The following HRH4 variants were observed in gnomAD, a reference collection of about 807,000 sequenced individuals.
The protein encoded by HRH4 is histamine H4 receptor.
HRH4 carries 12 observed loss-of-function variants against 10.4 expected under a neutral mutation model. The observed-to-expected ratio is 1.15, with a 90% CI of 0.74 to 1.87. The LOEUF is 1.87. Ranked by LOEUF, HRH4 falls within the 40% of genes most tolerant of loss-of-function variation. The pLI, the probability that HRH4 is intolerant of heterozygous loss-of-function variation, is 0.00. For synonymous variants in HRH4, 154 were observed against 166.6 expected (o/e 0.92, Z 0.58); for missense variants, 415 against 453.3 (o/e 0.92, Z 0.77).
rs534412438 is a variant in HRH4, at chr18:24,473,504, T to C, written c.358-3243T>C. 8.3e-4 allele frequency among the ~76,000 whole-genome samples: 126 copies of C among 152,348 alleles called. 1 individual carries two copies. The highest frequency in any genetic ancestry group is 2.9e-3 in the African/African-American group (122 of 41,584). On this transcript the variant is annotated intron_variant, in intron 2 of 2. Transcript: ENST00000256906. ...GCAACCCCTGGCATTCCTTGGCTTG[T>C]AGATGCGTCCCTCCAGTCTTTACAT... is the stretch of plus-strand genomic sequence containing the variant.
rs1337002785 is a variant in HRH4, at chr18:24,479,656, C to T, written c.*2094C>T. On this transcript the variant is annotated 3_prime_UTR_variant, in exon 3 of 3. Transcript: ENST00000256906. ...TTGCCTTTCTTGAAGTGTTCTCTGC[C>T]TGTCTTTGTCACAAAATTTCATTTT... is the stretch of plus-strand genomic sequence containing the variant. 1 of 152,194 alleles carries T rather than the reference C, an allele frequency of 6.6e-6. No homozygotes were observed. Among genetic ancestry groups the T allele is most frequent in the African/African-American group, 2.4e-5 (1 of 41,452 alleles). The allele number at this position is 152,194 out of a possible 1,614,324, so 9.4% of individuals were successfully genotyped here.
chr18:24,468,996 T>C (rs1471113519), intron 2 of HRH4, 45 bp downstream of exon 2: 3 of 1,454,058 alleles, frequency 2.1e-6, no homozygotes, highest in Non-Finnish European at 2.8e-6. Context: ...ATTATGTAAA[T>C]GTATATGATG....
chr18:24,470,519 T>TTTTTTG (rs1909908315), intron 2 of HRH4, among the ~76,000 whole-genome samples: 2 of 135,986 alleles, frequency 1.5e-5, no homozygotes, highest in African/African-American at 5.8e-5. Flanking sequence ...TTTTTTTTTT[T>TTTTTTG]TGGAGACAGG....
At chr18:24,461,667 C>A (rs1277242558) in intron 1 of HRH4, among the ~76,000 whole-genome samples, 2 of 151,856 alleles carry the variant, frequency 1.3e-5, no homozygotes, top group Admixed American at 6.6e-5. Flanking sequence ...TTGTCTATAA[C>A]TACATAAAGC....
chr18:24,465,159 G>A (rs1368319088), intron 1 of HRH4, among the ~76,000 whole-genome samples: 1 of 152,034 alleles, frequency 6.6e-6, no homozygotes, highest in African/African-American at 2.4e-5. Flanking sequence ...GTGGTGGCGT[G>A]TGCCTGTAAT....
intron 2 of HRH4, among the ~76,000 whole-genome samples, chr18:24,469,657 C>G (rs1419272363): frequency 6.6e-6 from 1 of 152,140 alleles, no homozygotes; most frequent in Non-Finnish European, 1.5e-5. Flanking sequence ...TCCTTCACTC[C>G]CCTCTCAGGG....
At chr18:24,471,606 CAAAAAAAAAAA>C (rs60730879) in intron 2 of HRH4, among the ~76,000 whole-genome samples, 7 of 51,390 alleles carry the variant, frequency 1.4e-4, no homozygotes, top group African/African-American at 3.7e-4. Flanking sequence ...GACTCCATCT[CAAAAAAAAAAA>C]AAAAAAAAAA....
intron 1 of HRH4, among the ~76,000 whole-genome samples, 177 bp from the exon 2 acceptor site, chr18:24,468,611 G>A (rs903643320): frequency 1.4e-4 from 21 of 152,312 alleles, no homozygotes; most frequent in Admixed American, 1.2e-3. Flanking sequence ...TGGCGTTTAA[G>A]GAGTGTGTAG....
chr18:24,476,889 G>A lies in HRH4; in HGVS notation c.500G>A (p.Gly167Glu), dbSNP rs150102935. The change falls in exon 3 of 3, where the codon GGA becomes GAA. Residue 167 changes from glycine to glutamate, a missense_variant. Coordinates refer to ENST00000256906, the MANE Select transcript of HRH4 (RefSeq NM_021624.4). ...WKDEGSECEP[G>E]FFSEWYILAI... ...GATGAAGGTAGTGAATGTGAACCTG[G>A]ATTTTTTTCGGAATGGTACATCCTT... 1.6e-5 allele frequency: 26 copies of A among 1,614,044 alleles called. No homozygotes were observed. The highest frequency in any genetic ancestry group is 2.7e-5 in the African/African-American group (2 of 74,912).
chr18:24,468,551 A>G (rs1159713115), intron 1 of HRH4, among the ~76,000 whole-genome samples: 1 of 152,234 alleles, frequency 6.6e-6, no homozygotes, highest in African/African-American at 2.4e-5. Flanking sequence ...TGTAGAATTC[A>G]TGGATAAAGA....
In HRH4 at chr18:24,476,776, CTTG is replaced by C. The variant is rs1910142835; in HGVS notation, c.388_390del (p.Leu130del). The C allele has an allele frequency of 1.2e-6, 2 of 1,613,974 alleles. No homozygotes were observed. Among genetic ancestry groups the C allele is most frequent in the African/African-American group, 2.7e-5 (2 of 74,908 alleles). ...CTTATAGAACTCAACATACTGGGGTCTTGAAGATTGTTACTCTGATGGTGGCCG... is the reference window on the plus strand; with the variant it reads ...CTTATAGAACTCAACATACTGGGGTCAAGATTGTTACTCTGATGGTGGCCG... On this transcript the variant is annotated inframe_deletion, in exon 3 of 3. Coordinates refer to ENST00000256906, the MANE Select transcript of HRH4 (RefSeq NM_021624.4).
At chr18:24,476,057 T>C (rs1910124925) in intron 2 of HRH4, among the ~76,000 whole-genome samples, 1 of 152,150 alleles carries the variant, frequency 6.6e-6, no homozygotes, top group African/African-American at 2.4e-5. Context: ...TTGTCTGTGG[T>C]TAATCTTCTT....
Position 24,478,652 on chromosome 18 carries a change from C to T in HRH4, c.*1090C>T, listed in dbSNP as rs1293339189. Reference sequence around the variant, plus strand: ...GGAGTTTGCCAGCCTGGCAACAGAACAAGACTCTGTCTAAAAAGAAAAAAA... The same window carrying T: ...GGAGTTTGCCAGCCTGGCAACAGAATAAGACTCTGTCTAAAAAGAAAAAAA... On this transcript the variant is annotated 3_prime_UTR_variant, in exon 3 of 3. Transcript: ENST00000256906. 2 of 152,236 alleles carry T rather than the reference C, an allele frequency of 1.3e-5. No homozygotes were observed. Among genetic ancestry groups the T allele is most frequent in the Non-Finnish European group, 2.9e-5 (2 of 68,098 alleles). 9.4% of individuals were successfully genotyped at this position (152,236 alleles called of 1,614,324 possible).
Position 24,468,859 on chromosome 18 carries a change from T to A in HRH4, c.265T>A (p.Phe89Ile). 5 of 1,614,030 alleles carry A rather than the reference T, an allele frequency of 3.1e-6. No individual in the cohort carries two copies. Among genetic ancestry groups the A allele is most frequent in the Non-Finnish European group, 4.2e-6 (5 of 1,179,884 alleles). The change falls in exon 2 of 3, where the codon TTT becomes ATT. Residue 89 changes from phenylalanine to isoleucine, a missense_variant. Coordinates refer to ENST00000256906, the MANE Select transcript of HRH4 (RefSeq NM_021624.4). Reference sequence around the variant, plus strand: ...GGATTTTGGAAAGGAAATCTGTGTATTTTGGCTCACTACTGACTATCTGTT... The same window carrying A: ...GGATTTTGGAAAGGAAATCTGTGTAATTTGGCTCACTACTGACTATCTGTT... ...EWDFGKEICV[F>I]WLTTDYLLCT...
rs756709978 is a variant in HRH4 at position 24,460,791 on chromosome 18, T to C, written c.63T>C (p.Phe21=). 18 of 1,564,972 alleles carry C rather than the reference T, an allele frequency of 1.2e-5. No individual in the cohort carries two copies. The highest frequency in any genetic ancestry group is 1.6e-5 in the Non-Finnish European group (18 of 1,145,554). ...SLSTRVTLAF[F]MSLVAFAIML... ...GCACTCGTGTTACTTTAGCATTTTTTATGTCCTTAGTAGCTTTTGCTATAA... is the reference window on the plus strand; with the variant it reads ...GCACTCGTGTTACTTTAGCATTTTTCATGTCCTTAGTAGCTTTTGCTATAA... The change falls in exon 1 of 3, where the codon TTT becomes TTC. Residue 21 remains phenylalanine, a synonymous_variant. Transcript: ENST00000256906.
Position 24,460,785 on chromosome 18 carries a change from A to AT in HRH4, c.63dup (p.Met22TyrfsTer26), listed in dbSNP as rs753946482. On this transcript the variant is annotated frameshift_variant, in exon 1 of 3. Coordinates refer to ENST00000256906, the MANE Select transcript of HRH4 (RefSeq NM_021624.4). LOFTEE classifies it high-confidence loss of function. The stretch of plus-strand genomic sequence containing the variant: ...CACTAAGCACTCGTGTTACTTTAGC[A>AT]TTTTTTATGTCCTTAGTAGCTTTTG... The AT allele has an allele frequency of 2.6e-6, 4 of 1,558,200 alleles. No individual in the cohort carries two copies. The highest frequency in any genetic ancestry group is 3.5e-6 in the Non-Finnish European group (4 of 1,141,388).
chr18:24,463,486 G>T (rs991700445), intron 1 of HRH4, among the ~76,000 whole-genome samples: 2 of 152,186 alleles, frequency 1.3e-5, no homozygotes, highest in Admixed American at 6.5e-5. Context: ...GCTGGGAAAT[G>T]AACCTTTTGT....
intron 2 of HRH4, among the ~76,000 whole-genome samples, chr18:24,471,606 C>CAAAAAAAAAAAAAAAAAAAAAAA (rs60730879): frequency 3.9e-5 from 2 of 51,396 alleles, no homozygotes; most frequent in African/African-American, 1.8e-4. Flanking sequence ...GACTCCATCT[C>CAAAAAAAAAAAAAAAAAAAAAAA]AAAAAAAAAA....
intron 1 of HRH4, among the ~76,000 whole-genome samples, chr18:24,466,064 A>G (rs746518839): frequency 1.8e-4 from 27 of 151,852 alleles, no homozygotes; most frequent in Non-Finnish European, 4.0e-4. Flanking sequence ...GTTTTGGGAT[A>G]CTTTGATTTA....
Sources: allele counts gnomAD v4.1 joint callset (sites outside exome capture counted in the v4.1 genomes callset), GRCh38; gene constraint gnomAD v4.1.1; transcripts MANE v1.5; gene names NCBI Gene and HGNC (gene_info 2026-07-23, HGNC 2026-07-21).